LHFPL3: variants seen among roughly 807,000 people sequenced by gnomAD.
The protein encoded by LHFPL3 is LHFPL tetraspan subfamily member 3 protein.
In LHFPL3, 5 loss-of-function variants were observed where a neutral mutation model predicts 19.3. The observed-to-expected ratio is 0.26, with a 90% confidence interval of 0.14 to 0.54. The LOEUF (loss-of-function observed/expected upper bound fraction) is 0.54, where lower values mean the gene tolerates loss of function less well. LHFPL3 is among the 20% of genes least tolerant of loss of function. LHFPL3 has a pLI of 0.94. For missense variants in LHFPL3, 249 were observed against 307.4 expected (o/e 0.81, Z 1.42); for synonymous variants, 133 against 126.2 (o/e 1.05, Z -0.36).
intron 1 of LHFPL3, among the ~76,000 whole-genome samples, chr7:104,589,507 A>C (rs1027959113): frequency 6.6e-6 from 1 of 152,132 alleles, no homozygotes; most frequent in Non-Finnish European, 1.5e-5. Flanking sequence ...TGCTGGATTC[A>C]GTTTGCCGGT....
chr7:104,781,598 T>C (rs1308216316), intron 2 of LHFPL3, among the ~76,000 whole-genome samples: 2 of 152,144 alleles, frequency 1.3e-5, no homozygotes, highest in Non-Finnish European at 1.5e-5. Context: ...TCAACCTGCA[T>C]CTACCCTCTT....
chr7:104,666,744 G>C (rs538656109), intron 1 of LHFPL3, among the ~76,000 whole-genome samples: 1 of 151,004 alleles, frequency 6.6e-6, no homozygotes, highest in African/African-American at 2.4e-5. Flanking sequence ...GGATGGTCTC[G>C]ATCTCCTGAC....
chr7:104,742,077 A>T (rs558646337), intron 2 of LHFPL3, among the ~76,000 whole-genome samples: 67 of 152,328 alleles, frequency 4.4e-4, no homozygotes, highest in Non-Finnish European at 2.9e-5. Context: ...TGTGAAGTCA[A>T]TTTAATTATG....
intron 2 of LHFPL3, among the ~76,000 whole-genome samples, chr7:104,855,181 G>C (rs1262461888): frequency 6.6e-6 from 1 of 152,214 alleles, no homozygotes; most frequent in Non-Finnish European, 1.5e-5. Context: ...GAGGAGGGGA[G>C]AGCGATACCG....
intron 1 of LHFPL3, among the ~76,000 whole-genome samples, chr7:104,470,794 T>C (rs902022412): frequency 1.2e-4 from 19 of 152,200 alleles, no homozygotes; most frequent in African/African-American, 1.9e-4. Context: ...TTTGCCTTGA[T>C]GCTTTCTCTT....
At chr7:104,385,215 A>T (rs4727596) in intron 1 of LHFPL3, among the ~76,000 whole-genome samples, 51,791 of 151,970 alleles carry the variant, frequency 0.34, 9,180 homozygotes, top group Admixed American at 0.49. Context: ...TAAACATTTG[A>T]ATTTTGTAAC....
intron 2 of LHFPL3, among the ~76,000 whole-genome samples, chr7:104,748,713 A>G (rs893603590): frequency 1.3e-5 from 2 of 152,176 alleles, no homozygotes; most frequent in African/African-American, 4.8e-5. Flanking sequence ...ACAAATGATC[A>G]ATAAATACTA....
chr7:104,481,007 C>T (rs1456080395), intron 1 of LHFPL3, among the ~76,000 whole-genome samples: 1 of 152,168 alleles, frequency 6.6e-6, no homozygotes, highest in African/African-American at 2.4e-5. Context: ...GCATTCTAGT[C>T]TCATTCCTGC....
chr7:104,770,458 G>C (rs1329446249), intron 2 of LHFPL3, among the ~76,000 whole-genome samples: 4 of 152,162 alleles, frequency 2.6e-5, no homozygotes, highest in African/African-American at 9.7e-5. Flanking sequence ...ATTAACACTG[G>C]CATTTACATA....
intron 1 of LHFPL3, among the ~76,000 whole-genome samples, chr7:104,716,083 T>A (rs990695764): frequency 6.6e-6 from 1 of 152,190 alleles, no homozygotes; most frequent in African/African-American, 2.4e-5. Flanking sequence ...GCACGCTGGC[T>A]CATGCCTGTA....
rs769657354 is a variant in LHFPL3 at position 104,736,812 on chromosome 7, A to G, written c.583A>G (p.Ile195Val). The part of the protein sequence containing the change: ...SVRWAYILAI[I>V]GILDALILSF... ...CCGCTGGGCATACATCCTGGCTATT[A>G]TTGGAATTTTGGATGCCCTGATCCT... The change falls in exon 2 of 3, where the codon ATT becomes GTT. Residue 195 changes from isoleucine (I) to valine (V), a missense_variant. By Grantham distance (29) the Ile-to-Val change is conservative. Transcript: ENST00000424859. 49 of 1,613,234 alleles carry G rather than the reference A, an allele frequency of 3.0e-5. No individual in the cohort carries two copies. Among genetic ancestry groups the G allele is most frequent in the Non-Finnish European group, 4.2e-5 (49 of 1,179,722 alleles).
At chr7:104,871,435 G>A (rs1272231243) in intron 2 of LHFPL3, among the ~76,000 whole-genome samples, 1 of 152,180 alleles carries the variant, frequency 6.6e-6, no homozygotes, top group African/African-American at 2.4e-5. Context: ...GTGAATGAAT[G>A]TGAAGGCCTA....
intron 1 of LHFPL3, among the ~76,000 whole-genome samples, chr7:104,731,854 G>T: frequency 6.6e-6 from 1 of 152,048 alleles, no homozygotes; most frequent in Middle Eastern, 3.2e-3. Flanking sequence ...GATATTGGCT[G>T]TGGGTTTGTC....
chr7:104,836,465 G>A (rs1019309431), intron 2 of LHFPL3, among the ~76,000 whole-genome samples: 2 of 152,096 alleles, frequency 1.3e-5, no homozygotes, highest in African/African-American at 4.8e-5. Context: ...GCTAGCCCAC[G>A]CAGCCACGCA....
At position 104,399,801 on chromosome 7, in the gene LHFPL3, G is replaced by A. The variant is rs778126710; in HGVS notation, c.445+70577G>A. On this transcript the variant is annotated intron_variant, in intron 1 of 2. Transcript: ENST00000424859. This position sits in a 1 kb window ranked among gnomAD's most constrained non-coding sequence, Gnocchi z 4.4. Reference sequence around the variant, plus strand: ...GTTCTTCTGTCCTTAAGGTAATTATGTTACCATGGAAGTGGCCCCAAAGAG... The same window carrying A: ...GTTCTTCTGTCCTTAAGGTAATTATATTACCATGGAAGTGGCCCCAAAGAG... Among the ~76,000 whole-genome samples, 20 of 151,490 alleles carry A rather than the reference G, an allele frequency of 1.3e-4. No individual in the cohort carries two copies. The highest frequency in any genetic ancestry group is 2.6e-4 in the Admixed American group (4 of 15,202).
chr7:104,720,045 C>T (rs1793458179), intron 1 of LHFPL3, among the ~76,000 whole-genome samples: 1 of 152,136 alleles, frequency 6.6e-6, no homozygotes, highest in Non-Finnish European at 1.5e-5. Flanking sequence ...ACAAAAAAGC[C>T]TAGGCAGAAG....
At chr7:104,896,808 G>A (rs1792370793) in intron 2 of LHFPL3, among the ~76,000 whole-genome samples, 1 of 152,194 alleles carries the variant, frequency 6.6e-6, no homozygotes, top group African/African-American at 2.4e-5. Flanking sequence ...AAGCTGGGCT[G>A]GGCTCGGTGG....
At chr7:104,750,101 GA>G (rs1289167994) in intron 2 of LHFPL3, among the ~76,000 whole-genome samples, 2 of 152,154 alleles carry the variant, frequency 1.3e-5, no homozygotes, top group Non-Finnish European at 2.9e-5. Context: ...ATCATTAGCT[GA>G]ACAGTACTTT....
chr7:104,878,087 G>A (rs1006445884), intron 2 of LHFPL3, among the ~76,000 whole-genome samples: 16 of 152,032 alleles, frequency 1.1e-4, no homozygotes, highest in African/African-American at 3.6e-4. Flanking sequence ...TGCCCACCTC[G>A]GCCTCCCAAA....
Sources: gnomAD v4.1 joint callset for allele counts (sites outside exome capture counted in the v4.1 genomes callset) on GRCh38, gnomAD v4.1.1 for gene constraint, Gnocchi (gnomAD v3.1) non-coding constraint, MANE v1.5 for transcripts, NCBI Gene and HGNC (gene_info 2026-07-23, HGNC 2026-07-21) for gene names.